The following NDUFA5 variants were observed in gnomAD, a reference collection of about 807,000 sequenced individuals.
The protein encoded by NDUFA5 is NADH:ubiquinone oxidoreductase subunit A5, also known as NADH dehydrogenase [ubiquinone] 1 alpha subcomplex subunit 5.
Under a neutral mutation model 19.8 loss-of-function variants are expected in NDUFA5, and 11 were observed. That is an observed-to-expected ratio of 0.56 (90% CI 0.35 to 0.92). NDUFA5 has a LOEUF of 0.92. NDUFA5 is among the 40% of genes least tolerant of loss of function. The pLI is 0.01. For synonymous variants in NDUFA5, 47 were observed against 46.8 expected, an observed-to-expected ratio of 1.00 and a Z score of -0.01; for missense variants, 109 against 134.2, an observed-to-expected ratio of 0.81 and a Z score of 0.93.
chr7:123,558,004 TAGA>T (rs1798629437), upstream of NDUFA5: 5 of 743,260 alleles, frequency 6.7e-6, no homozygotes, highest in Non-Finnish European at 1.1e-5. Flanking sequence ...AAAGCTAAGC[TAGA>T]AGACGATTGG....
chr7:123,555,516 T>C lies in NDUFA5; in HGVS notation c.66+1888A>G, dbSNP rs535172250. On this transcript the variant is annotated intron_variant, in intron 2 of 4. Coordinates refer to ENST00000355749, the MANE Select transcript of NDUFA5 (RefSeq NM_005000.5). ...GAAATACCAACTATGATGTCCAAATTCCCAGCCTAGGGAGTAGAAAGATCT... is the reference window on the plus strand; with the variant it reads ...GAAATACCAACTATGATGTCCAAATCCCCAGCCTAGGGAGTAGAAAGATCT... 7 of 152,124 alleles carry C rather than the reference T, an allele frequency of 4.6e-5. No homozygotes were observed. In the South Asian group the frequency reaches 8.3e-4, roughly 18 times the overall value. 9.4% of individuals were successfully genotyped at this position (152,124 alleles called of 1,614,324 possible).
the NDUFA5 span, chr7:123,598,772 T>C: frequency 6.6e-6 from 1 of 152,214 alleles, no homozygotes; most frequent in African/African-American, 2.4e-5. Flanking sequence ...AGTGCTACCT[T>C]ACTAAAAAAT....
chr7:123,571,356 C>A, the NDUFA5 span, among the ~76,000 whole-genome samples: 35 of 152,234 alleles, frequency 2.3e-4, no homozygotes, highest in Middle Eastern at 3.4e-3. Flanking sequence ...TAAGGTCAAT[C>A]TATGAGTTAA....
intron 1 of NDUFA5, 94 bp downstream of exon 1, chr7:123,557,681 C>G: frequency 1.2e-6 from 2 of 1,614,040 alleles, no homozygotes; most frequent in Non-Finnish European, 1.7e-6. Flanking sequence ...GCCGAGCCCG[C>G]GACAGTAGGG....
chr7:123,595,292 G>C, the NDUFA5 span, among the ~76,000 whole-genome samples: 1 of 152,148 alleles, frequency 6.6e-6, no homozygotes, highest in African/African-American at 2.4e-5. Flanking sequence ...ATCCCTTGAT[G>C]ATCTTCACTT....
At chr7:123,583,044 G>C in the NDUFA5 span, among the ~76,000 whole-genome samples, 2 of 151,920 alleles carry the variant, frequency 1.3e-5, no homozygotes, top group South Asian at 4.1e-4. Flanking sequence ...AAATATTGTA[G>C]TGGAATTTGG....
At chr7:123,557,492 C>T (rs890838229) in intron 1 of NDUFA5, 44 bp from the exon 2 acceptor site, 2 of 1,612,978 alleles carry the variant, frequency 1.2e-6, no homozygotes, top group South Asian at 1.1e-5. Flanking sequence ...ACTACGGTTT[C>T]CATACATCCA....
chr7:123,596,374 G>A, the NDUFA5 span: 1 of 152,036 alleles, frequency 6.6e-6, no homozygotes. Context: ...CACTTTGAAG[G>A]GTGGGTAGAT....
chr7:123,597,917 C>CGTGTGT, the NDUFA5 span, among the ~76,000 whole-genome samples: 4,998 of 132,978 alleles, frequency 0.038, 109 homozygotes, highest in Non-Finnish European at 0.051. Flanking sequence ...TTTCAAACTT[C>CGTGTGT]GTGTGTGTGT....
the NDUFA5 span, among the ~76,000 whole-genome samples, chr7:123,572,782 T>G: frequency 2.2e-4 from 34 of 152,196 alleles, no homozygotes; most frequent in Admixed American, 1.3e-3. Context: ...ATTAGATGAG[T>G]TTTATACATT....
chr7:123,595,491 T>G, the NDUFA5 span, among the ~76,000 whole-genome samples: 1 of 152,186 alleles, frequency 6.6e-6, no homozygotes, highest in South Asian at 2.1e-4. Context: ...GAAGGAAGCC[T>G]CCCCACTTCA....
At chr7:123,569,577 G>A in the NDUFA5 span, among the ~76,000 whole-genome samples, 1 of 152,230 alleles carries the variant, frequency 6.6e-6, no homozygotes, top group African/African-American at 2.4e-5. Flanking sequence ...CAGTGCATCT[G>A]CTGTCAGCCC....
At chr7:123,574,515 T>C in the NDUFA5 span, among the ~76,000 whole-genome samples, 1 of 152,170 alleles carries the variant, frequency 6.6e-6, no homozygotes, top group Non-Finnish European at 1.5e-5. Context: ...GATAGTGGGC[T>C]GTGAACCACA....
At chr7:123,566,843 C>T in the NDUFA5 span, among the ~76,000 whole-genome samples, 7 of 152,094 alleles carry the variant, frequency 4.6e-5, no homozygotes, top group East Asian at 1.9e-4. Context: ...ATTTTTCAAA[C>T]GAGGCAATGC....
At chr7:123,556,320 C>T (rs958681234) in intron 2 of NDUFA5, 5 of 152,216 alleles carry the variant, frequency 3.3e-5, no homozygotes, top group Non-Finnish European at 5.9e-5. Context: ...ATATTCAGGA[C>T]TTTTATAAAG....
chr7:123,555,929 A>G, intron 2 of NDUFA5: 1 of 152,366 alleles, frequency 6.6e-6, no homozygotes, highest in Non-Finnish European at 1.5e-5. Flanking sequence ...CTGGAAAAAA[A>G]GACCAAATGG....
chr7:123,564,635 T>C, the NDUFA5 span, among the ~76,000 whole-genome samples: 4 of 152,020 alleles, frequency 2.6e-5, no homozygotes, highest in East Asian at 1.9e-4. Flanking sequence ...TATATACACA[T>C]ACACACATAC....
chr7:123,575,857 T>C, the NDUFA5 span, among the ~76,000 whole-genome samples: 2 of 150,586 alleles, frequency 1.3e-5, no homozygotes, highest in African/African-American at 4.8e-5. Context: ...TCCTAGACTA[T>C]GTCTCCATAT....
At chr7:123,601,473 G>A in the NDUFA5 span, among the ~76,000 whole-genome samples, 1 of 152,160 alleles carries the variant, frequency 6.6e-6, no homozygotes, top group Non-Finnish European at 1.5e-5. Flanking sequence ...GAAAAATAGT[G>A]TGTATTAAAA....
Sources: allele counts gnomAD v4.1 joint callset (sites outside exome capture counted in the v4.1 genomes callset), GRCh38; gene constraint gnomAD v4.1.1; transcripts MANE v1.5; gene names NCBI Gene and HGNC (gene_info 2026-07-23, HGNC 2026-07-21).